VAV3: variants seen among roughly 807,000 people sequenced by gnomAD.
The protein encoded by VAV3 is vav guanine nucleotide exchange factor 3.
VAV3 carries 94 observed loss-of-function variants against 131.2 expected under a neutral mutation model. The observed-to-expected ratio is 0.72, with a 90% CI of 0.61 to 0.85. VAV3 has a LOEUF of 0.85. Among genes scored for constraint, VAV3 ranks in the 40% least tolerant of loss-of-function variants. The probability of loss-of-function intolerance (pLI) is 0.00; values close to 1 mark genes in which losing one functional copy is unlikely to be tolerated. For missense variants in VAV3, 939 were observed against 1,002.7 expected (o/e 0.94, Z 0.86); for synonymous variants, 349 against 342.0 (o/e 1.02, Z -0.22).
intron 2 of VAV3, among the ~76,000 whole-genome samples, chr1:107,810,199 G>T (rs1667252643): frequency 6.6e-6 from 1 of 152,094 alleles, no homozygotes; most frequent in African/African-American, 2.4e-5. Context: ...CTTGCCTTTG[G>T]GGGCTGGGAA....
At chr1:107,742,597 C>G (rs1663088607) in intron 15 of VAV3, among the ~76,000 whole-genome samples, 1 of 152,198 alleles carries the variant, frequency 6.6e-6, no homozygotes, top group African/African-American at 2.4e-5. Context: ...ATAGCTATCC[C>G]AGAGCCTTAC....
chr1:107,733,983 G>A (rs1339405517), intron 15 of VAV3, among the ~76,000 whole-genome samples: 2 of 152,304 alleles, frequency 1.3e-5, no homozygotes, highest in Non-Finnish European at 1.5e-5. Flanking sequence ...ACCCACAAAG[G>A]AAAGCCCATC....
At position 107,733,398 on chromosome 1, in the gene VAV3, T is replaced by C. The variant is rs576012274; in HGVS notation, c.1502+15570A>G. Among the ~76,000 whole-genome samples, 3 of 152,250 alleles carry C rather than the reference T, an allele frequency of 2.0e-5. No homozygotes were observed. In the East Asian group the frequency reaches 5.8e-4, roughly 30 times the overall value. On this transcript the variant is annotated intron_variant, in intron 15 of 26. Transcript: ENST00000370056. ...CTGGATGGAGAATGACTTTGATGAG[T>C]TGACAGAAGTAGGCTTCAGAAGGTT...
At chr1:107,826,046 T>C (rs1417689727) in intron 2 of VAV3, among the ~76,000 whole-genome samples, 1 of 152,206 alleles carries the variant, frequency 6.6e-6, no homozygotes, top group Admixed American at 6.5e-5. Context: ...GTACTCTTAA[T>C]GAAATGCGGA....
At position 107,848,306 on chromosome 1, in the gene VAV3, C is replaced by T. The variant is rs570074957; in HGVS notation, c.321+26595G>A. Among the ~76,000 whole-genome samples the T allele has an allele frequency of 6.4e-4, 87 of 136,620 alleles. 1 individual carries two copies. Among genetic ancestry groups the T allele is most frequent in the African/African-American group, 2.4e-3 (87 of 36,588 alleles). 89.6% of individuals were successfully genotyped at this position (136,620 alleles called of 152,430 possible). On this transcript the variant is annotated intron_variant, in intron 2 of 26. Transcript: ENST00000370056. ...CCAACCTGGGCAACAGAGCAAGACT[C>T]CGTCTCAAAAAAAAAAAAAAAAAAA...
chr1:107,748,154 A>G (rs1393412701), intron 15 of VAV3, among the ~76,000 whole-genome samples: 1 of 152,194 alleles, frequency 6.6e-6, no homozygotes, highest in Non-Finnish European at 1.5e-5. Flanking sequence ...AAAAAAACTG[A>G]CAGAATTTGT....
intron 2 of VAV3, among the ~76,000 whole-genome samples, chr1:107,808,828 A>G (rs1212129036): frequency 6.6e-6 from 1 of 152,218 alleles, no homozygotes. Context: ...GTTAACAATT[A>G]CAATCAATGA....
intron 2 of VAV3, among the ~76,000 whole-genome samples, chr1:107,862,255 T>A (rs1669774016): frequency 6.6e-6 from 1 of 151,506 alleles, no homozygotes; most frequent in African/African-American, 2.4e-5. Flanking sequence ...TTCCTGTAGT[T>A]GTTTGGTGCT....
At chr1:107,949,615 C>T (rs560306110) in intron 1 of VAV3, among the ~76,000 whole-genome samples, 4 of 152,174 alleles carry the variant, frequency 2.6e-5, no homozygotes, top group Non-Finnish European at 5.9e-5. Flanking sequence ...AACAGTGTCT[C>T]TGGAAGTACC....
intron 2 of VAV3, among the ~76,000 whole-genome samples, chr1:107,809,270 C>T (rs6691039): frequency 0.15 from 22,982 of 152,082 alleles, 2,009 homozygotes; most frequent in East Asian, 0.29. Flanking sequence ...TATAATTAGA[C>T]ACAACCTAAG....
intron 19 of VAV3, chr1:107,668,665 A>G: frequency 2.0e-6 from 2 of 985,450 alleles, no homozygotes; most frequent in Non-Finnish European, 2.4e-6. Context: ...AGAGAAAGAA[A>G]CTACAGGCGT....
intron 15 of VAV3, among the ~76,000 whole-genome samples, chr1:107,741,849 G>C (rs1481799583): frequency 6.6e-6 from 1 of 152,128 alleles, no homozygotes; most frequent in Non-Finnish European, 1.5e-5. Context: ...ATATACAAAT[G>C]AGTGAGATCA....
At chr1:107,579,396 C>G (rs1024427114) in intron 25 of VAV3, among the ~76,000 whole-genome samples, 1 of 152,208 alleles carries the variant, frequency 6.6e-6, no homozygotes, top group African/African-American at 2.4e-5. Flanking sequence ...AATTCCTCAA[C>G]TTATTCCCTG....
At chr1:107,771,944 T>C (rs1665073531) in intron 5 of VAV3, among the ~76,000 whole-genome samples, 1 of 152,192 alleles carries the variant, frequency 6.6e-6, no homozygotes, top group African/African-American at 2.4e-5. Context: ...AGGTAACTTG[T>C]TTCCATTCCA....
At chr1:107,602,632 T>C (rs1013162670) in intron 23 of VAV3, 148 bp from the exon 24 acceptor site, 1 of 577,416 alleles carries the variant, frequency 1.7e-6, no homozygotes, top group Non-Finnish European at 2.9e-6. Context: ...TGACAGCTAA[T>C]TAACAAAATA....
chr1:107,602,561 C>A, intron 23 of VAV3, 77 bp from the exon 24 acceptor site: 3 of 1,140,176 alleles, frequency 2.6e-6, no homozygotes, highest in East Asian at 2.9e-5. Flanking sequence ...AGGGCATGCC[C>A]CAATAACATT....
At chr1:107,784,762 T>G (rs961507301) in intron 2 of VAV3, among the ~76,000 whole-genome samples, 3 of 152,202 alleles carry the variant, frequency 2.0e-5, no homozygotes, top group Non-Finnish European at 2.9e-5. Context: ...TATTTCTGGC[T>G]TAAACAAATA....
At position 107,762,116 on chromosome 1, in the gene VAV3, CAA is replaced by C. The variant is rs34560210; in HGVS notation, c.922-1239_922-1238del. Reference sequence around the variant, plus strand: ...TTTCTCACGTAACTATGGTGTTCTTCAAAAAAAAAAAAAAAAAGGGCCATACA... The same window carrying C: ...TTTCTCACGTAACTATGGTGTTCTTCAAAAAAAAAAAAAAAGGGCCATACA... On this transcript the variant is annotated intron_variant, in intron 9 of 26. Coordinates refer to ENST00000370056, the MANE Select transcript of VAV3 (RefSeq NM_006113.5). 4.1e-3 allele frequency among the ~76,000 whole-genome samples: 442 copies of C among 107,782 alleles called. 1 individual carries two copies. Among genetic ancestry groups the C allele is most frequent in the Middle Eastern group, 0.012 (2 of 168 alleles). 70.7% of individuals were successfully genotyped at this position (107,782 alleles called of 152,430 possible).
At chr1:107,950,906 T>G (rs1413420719) in intron 1 of VAV3, among the ~76,000 whole-genome samples, 2 of 152,172 alleles carry the variant, frequency 1.3e-5, no homozygotes, top group Non-Finnish European at 2.9e-5. Flanking sequence ...AGAGCAAGCC[T>G]CTTTACTTTC....
Sources: gnomAD v4.1 joint callset for allele counts (sites outside exome capture counted in the v4.1 genomes callset) on GRCh38, gnomAD v4.1.1 for gene constraint, MANE v1.5 for transcripts, NCBI Gene and HGNC (gene_info 2026-07-23, HGNC 2026-07-21) for gene names.